The following AGBL4 variants were observed in gnomAD, a reference collection of about 807,000 sequenced individuals.
AGBL4 encodes AGBL carboxypeptidase 4, also known as cytosolic carboxypeptidase 6.
A neutral mutation model predicts 66.4 loss-of-function variants in AGBL4; 58 were observed. The observed-to-expected ratio is 0.87, with a 90% CI of 0.71 to 1.09. The LOEUF is 1.09. AGBL4 is among the 50% of genes least tolerant of loss of function. The probability of loss-of-function intolerance (pLI) is 0.00; values close to 1 mark genes in which losing one functional copy is unlikely to be tolerated. For synonymous variants in AGBL4, 234 were observed against 222.9 expected (o/e 1.05, Z -0.44); for missense variants, 579 against 631.0 (o/e 0.92, Z 0.88).
intron 3 of AGBL4, among the ~76,000 whole-genome samples, chr1:49,378,004 C>T (rs1323184618): frequency 6.9e-6 from 1 of 144,746 alleles, no homozygotes; most frequent in African/African-American, 2.9e-5. Context: ...CCTTGTCTCC[C>T]AACACAAACT....
At chr1:48,749,203 T>C (rs1326463549) in intron 6 of AGBL4, among the ~76,000 whole-genome samples, 2 of 152,210 alleles carry the variant, frequency 1.3e-5, no homozygotes, top group South Asian at 2.1e-4. Flanking sequence ...AAAAGTCTTC[T>C]TTGTTAAGTA....
At chr1:49,775,804 T>C (rs1644180934) in intron 2 of AGBL4, among the ~76,000 whole-genome samples, 1 of 152,058 alleles carries the variant, frequency 6.6e-6, no homozygotes, top group South Asian at 2.1e-4. Context: ...TAATAACCTA[T>C]AATAATATAC....
At chr1:49,312,903 C>G (rs968089643) in intron 3 of AGBL4, among the ~76,000 whole-genome samples, 2 of 151,824 alleles carry the variant, frequency 1.3e-5, no homozygotes, top group African/African-American at 4.8e-5. Context: ...TTTTTATGTT[C>G]TGGGATACAT....
At chr1:49,982,656 G>A (rs762215669) in intron 1 of AGBL4, among the ~76,000 whole-genome samples, 2 of 152,152 alleles carry the variant, frequency 1.3e-5, no homozygotes, top group Non-Finnish European at 2.9e-5. Context: ...GGGGACTTAC[G>A]GTGCTTTTTC....
chr1:49,978,971 T>C (rs1443818376), intron 1 of AGBL4, among the ~76,000 whole-genome samples: 2 of 152,186 alleles, frequency 1.3e-5, no homozygotes, highest in African/African-American at 4.8e-5. Context: ...TCAGTAAGTA[T>C]ATTGAAAAAT....
chr1:49,840,087 T>C (rs1645953039), intron 2 of AGBL4, among the ~76,000 whole-genome samples: 1 of 152,136 alleles, frequency 6.6e-6, no homozygotes, highest in African/African-American at 2.4e-5. Context: ...TGGCTATAAA[T>C]ATGTCTGGTC....
intron 3 of AGBL4, among the ~76,000 whole-genome samples, chr1:49,618,390 C>A (rs1645291324): frequency 7.6e-6 from 1 of 131,944 alleles, no homozygotes; most frequent in Admixed American, 7.8e-5. Context: ...AATTCCTGGA[C>A]ACAAACACCC....
In AGBL4 at chr1:49,539,647, C is replaced by T. The variant is rs780244155; in HGVS notation, c.282+157666G>A. Among the ~76,000 whole-genome samples, 6 of 152,112 alleles carry T rather than the reference C, an allele frequency of 3.9e-5. No individual in the cohort carries two copies. In the East Asian group the frequency reaches 7.7e-4, roughly 20 times the overall value. ...CCCTCACTGGCATAATCCTAGGAGCCGCATATTTATATACAACCCTTAAAA... is the reference window on the plus strand; with the variant it reads ...CCCTCACTGGCATAATCCTAGGAGCTGCATATTTATATACAACCCTTAAAA... On this transcript the variant is annotated intron_variant, in intron 3 of 13. Coordinates refer to ENST00000371839, the MANE Select transcript of AGBL4 (RefSeq NM_032785.4).
intron 5 of AGBL4, among the ~76,000 whole-genome samples, chr1:49,029,991 T>C (rs1664072342): frequency 6.6e-6 from 1 of 152,176 alleles, no homozygotes; most frequent in African/African-American, 2.4e-5. Flanking sequence ...TCTTACACCA[T>C]CTGCTAAAAC....
At chr1:49,134,131 A>G (rs1645957964) in intron 4 of AGBL4, among the ~76,000 whole-genome samples, 1 of 152,070 alleles carries the variant, frequency 6.6e-6, no homozygotes, top group African/African-American at 2.4e-5. Context: ...ATAAGTTTTT[A>G]TTAGCAATTT....
intron 4 of AGBL4, among the ~76,000 whole-genome samples, chr1:49,212,236 A>G (rs1471060352): frequency 6.6e-6 from 1 of 152,122 alleles, no homozygotes; most frequent in Non-Finnish European, 1.5e-5. Flanking sequence ...CTAAATATCC[A>G]TCTTGAATAA....
chr1:49,571,523 A>C (rs1173465079), intron 3 of AGBL4, among the ~76,000 whole-genome samples: 1 of 152,076 alleles, frequency 6.6e-6, no homozygotes, highest in Admixed American at 6.6e-5. Flanking sequence ...CAGCAAACAG[A>C]GATAATTTGA....
intron 4 of AGBL4, among the ~76,000 whole-genome samples, chr1:49,194,841 G>GT (rs200420257): frequency 0.044 from 6,172 of 139,584 alleles, 283 homozygotes; most frequent in African/African-American, 0.13. Flanking sequence ...TCATTGATCT[G>GT]TTTTTTTTTT....
chr1:48,730,741 C>T (rs907117167), intron 6 of AGBL4, among the ~76,000 whole-genome samples: 2 of 152,174 alleles, frequency 1.3e-5, no homozygotes, highest in South Asian at 2.1e-4. Flanking sequence ...GAATGTCTCC[C>T]TCTGCGAGGG....
chr1:48,583,234 C>T (rs1434394325), intron 11 of AGBL4, among the ~76,000 whole-genome samples: 3 of 152,216 alleles, frequency 2.0e-5, no homozygotes, highest in Non-Finnish European at 1.5e-5. Context: ...TATAACAGCC[C>T]TATCTATCTT....
At chr1:48,898,490 G>T (rs1211678468) in intron 5 of AGBL4, among the ~76,000 whole-genome samples, 1 of 152,154 alleles carries the variant, frequency 6.6e-6, no homozygotes, top group African/African-American at 2.4e-5. Flanking sequence ...TATGGTGAGA[G>T]AGAGGAATCT....
At chr1:48,632,517 G>A (rs1183284179) in intron 9 of AGBL4, among the ~76,000 whole-genome samples, 1 of 151,984 alleles carries the variant, frequency 6.6e-6, no homozygotes, top group African/African-American at 2.4e-5. Flanking sequence ...TCTCTCTTTG[G>A]GGATTTAACT....
intron 1 of AGBL4, among the ~76,000 whole-genome samples, chr1:50,010,132 C>T (rs1294720770): frequency 6.6e-6 from 1 of 151,904 alleles, no homozygotes; most frequent in African/African-American, 2.4e-5. Flanking sequence ...AAGATGAAAC[C>T]GTGTCTCTAC....
chr1:49,387,920 T>C (rs1313211729), intron 3 of AGBL4, among the ~76,000 whole-genome samples: 1 of 152,050 alleles, frequency 6.6e-6, no homozygotes, highest in African/African-American at 2.4e-5. Flanking sequence ...ATATCTAAAT[T>C]TGAATCCTAG....
Sources: allele counts gnomAD v4.1 joint callset (sites outside exome capture counted in the v4.1 genomes callset), GRCh38; gene constraint gnomAD v4.1.1; transcripts MANE v1.5; gene names NCBI Gene and HGNC (gene_info 2026-07-23, HGNC 2026-07-21).